XNDC1N: variants seen among roughly 807,000 people sequenced by gnomAD.
The protein encoded by XNDC1N is XRCC1 N-terminal domain containing 1, N-terminal like, also known as protein XNDC1N.
the XNDC1N span, chr11:71,917,665 G>C: frequency 1.4e-6 from 1 of 703,298 alleles, no homozygotes; most frequent in Non-Finnish European, 2.6e-6. Context: ...CCCCTGCTTT[G>C]AATCAGTTAG....
At chr11:71,908,876 C>T in the XNDC1N span, among the ~76,000 whole-genome samples, 8 of 152,100 alleles carry the variant, frequency 5.3e-5, no homozygotes, top group Admixed American at 3.9e-4. Context: ...TGCCAGGAAC[C>T]GACCCTCAGT....
At chr11:71,871,490 A>G in the XNDC1N span, among the ~76,000 whole-genome samples, 2 of 152,330 alleles carry the variant, frequency 1.3e-5, no homozygotes, top group African/African-American at 4.8e-5. Flanking sequence ...AAAATGTATT[A>G]TACATTTTGA....
chr11:71,869,912 C>T, the XNDC1N span, among the ~76,000 whole-genome samples: 8 of 152,132 alleles, frequency 5.3e-5, no homozygotes, highest in African/African-American at 1.9e-4. Flanking sequence ...TTAATCTGTT[C>T]TCAAGCTGGT....
At chr11:71,923,516 G>A in the XNDC1N span, 1 of 608,252 alleles carries the variant, frequency 1.6e-6, no homozygotes, top group East Asian at 2.8e-5. Flanking sequence ...AGCCATGGCT[G>A]TGGTAACAGG....
At chr11:71,902,380 G>A in the XNDC1N span, among the ~76,000 whole-genome samples, 2 of 152,116 alleles carry the variant, frequency 1.3e-5, no homozygotes, top group Non-Finnish European at 2.9e-5. Flanking sequence ...TTTAGTAGAG[G>A]TGGGGTTACA....
chr11:71,893,793 A>C, the XNDC1N span: 1 of 1,083,346 alleles, frequency 9.2e-7, no homozygotes. Flanking sequence ...TCCTTTTTGC[A>C]TGTATAGAAG....
chr11:71,911,670 G>A, the XNDC1N span, among the ~76,000 whole-genome samples: 1 of 152,130 alleles, frequency 6.6e-6, no homozygotes, highest in Non-Finnish European at 1.5e-5. Flanking sequence ...TGCATGGAGC[G>A]TGATAGAAAG....
the XNDC1N span, among the ~76,000 whole-genome samples, chr11:71,895,515 C>G: frequency 2.6e-5 from 3 of 116,910 alleles, no homozygotes; most frequent in African/African-American, 9.7e-5. Context: ...TTAATAGAGA[C>G]AGTGTTTCTC....
At chr11:71,891,281 C>G in the XNDC1N span, among the ~76,000 whole-genome samples, 12 of 151,464 alleles carry the variant, frequency 7.9e-5, no homozygotes, top group Non-Finnish European at 1.5e-5. Context: ...GATCACAGGG[C>G]TGTGGAAACC....
At chr11:71,919,039 G>C in the XNDC1N span, 4 of 702,012 alleles carry the variant, frequency 5.7e-6, no homozygotes, top group Non-Finnish European at 1.0e-5. Context: ...AAGTAAGAGA[G>C]GAGGAGAAAA....
chr11:71,905,705 A>G, the XNDC1N span, among the ~76,000 whole-genome samples: 1 of 152,020 alleles, frequency 6.6e-6, no homozygotes. Flanking sequence ...ATTATGAAAA[A>G]TATCACAGGG....
At chr11:71,907,659 T>C in the XNDC1N span, among the ~76,000 whole-genome samples, 3 of 152,096 alleles carry the variant, frequency 2.0e-5, no homozygotes, top group African/African-American at 4.8e-5. Context: ...TTCTACTCCC[T>C]GGGATACCAG....
the XNDC1N span, among the ~76,000 whole-genome samples, chr11:71,895,579 C>T: frequency 1.3e-5 from 2 of 151,688 alleles, no homozygotes; most frequent in Non-Finnish European, 1.5e-5. Context: ...CGCCCGCTTC[C>T]GCCCCCCAAA....
the XNDC1N span, chr11:71,923,329 C>T: frequency 4.3e-6 from 3 of 702,878 alleles, no homozygotes; most frequent in Admixed American, 2.0e-5. Context: ...AATGATACCA[C>T]ATGGCTGATC....
chr11:71,905,472 A>AT, the XNDC1N span, among the ~76,000 whole-genome samples: 2 of 150,080 alleles, frequency 1.3e-5, no homozygotes, highest in African/African-American at 5.0e-5. Flanking sequence ...CTGTGACATT[A>AT]CGGTAACATC....
chr11:71,895,795 C>A, the XNDC1N span, among the ~76,000 whole-genome samples: 1 of 152,186 alleles, frequency 6.6e-6, no homozygotes, highest in African/African-American at 2.4e-5. Context: ...AATATTTGCT[C>A]TTCAGAAATT....
At chr11:71,866,547 C>T in the XNDC1N span, among the ~76,000 whole-genome samples, 164 of 152,102 alleles carry the variant, frequency 1.1e-3, no homozygotes, top group Non-Finnish European at 1.9e-3. Context: ...TTTGGGAGGC[C>T]GAGGTCAGGA....
chr11:71,888,169 A>G, the XNDC1N span, among the ~76,000 whole-genome samples: 6 of 151,986 alleles, frequency 3.9e-5, no homozygotes, highest in African/African-American at 1.5e-4. Flanking sequence ...AGGACTGTGG[A>G]TAGAAGTGTC....
At chr11:71,882,375 C>A in the XNDC1N span, among the ~76,000 whole-genome samples, 2 of 152,038 alleles carry the variant, frequency 1.3e-5, no homozygotes, top group African/African-American at 4.8e-5. Flanking sequence ...CGTGCCTCAG[C>A]CAGCCACCAC....
Sources: gnomAD v4.1 joint callset for allele counts (sites outside exome capture counted in the v4.1 genomes callset) on GRCh38, gnomAD v4.1.1 for gene constraint, MANE v1.5 for transcripts, NCBI Gene and HGNC (gene_info 2026-07-23, HGNC 2026-07-21) for gene names.